CFAP54: variants seen among roughly 807,000 people sequenced by gnomAD.
The protein encoded by CFAP54 is cilia and flagella associated protein 54, also known as cilia- and flagella-associated protein 54.
Under a neutral mutation model 370.4 loss-of-function variants are expected in CFAP54, and 290 were observed. The ratio of observed to expected loss-of-function variants is 0.78; its 90% CI spans 0.71 to 0.86. The LOEUF (loss-of-function observed/expected upper bound fraction) is 0.86. Among genes scored for constraint, CFAP54 ranks in the 40% least tolerant of loss-of-function variants. The pLI, the probability that CFAP54 is intolerant of heterozygous loss-of-function variation, is 0.00. For missense variants in CFAP54, 3,399 were observed against 3,528.7 expected (o/e 0.96, Z 0.93); for synonymous variants, 1,206 against 1,236.5 (o/e 0.98, Z 0.52).
At position 96,704,745 on chromosome 12, in the gene CFAP54, C is replaced by G. The variant is rs12322639; in HGVS notation, c.6477C>G (p.Ile2159Met). 5 of 1,229,270 alleles carry G rather than the reference C, an allele frequency of 4.1e-6. No individual in the cohort carries two copies. The Admixed American group carries it at 1.2e-4, about 28-fold the overall frequency. The allele number at this position is 1,229,270 out of a possible 1,614,324, so 76.1% of individuals were successfully genotyped here. Residue 2159 changes from isoleucine to methionine, a missense_variant and splice_region_variant, in exon 47 of 68, where the codon ATC (isoleucine) becomes ATG (methionine). Transcript: ENST00000524981. ...GTTACTATTTTGTATTTTGACAGAT[C>G]TTTCAATCATTTGACTCAGGAAAAC... Reference protein sequence around the residue: ...AGYKATGKMKIFQSFDSGKLL... With the variant: ...AGYKATGKMKMFQSFDSGKLL...
At chr12:96,611,919 T>C (rs1274142284) in intron 26 of CFAP54, among the ~76,000 whole-genome samples, 2 of 152,186 alleles carry the variant, frequency 1.3e-5, no homozygotes, top group Non-Finnish European at 2.9e-5. Context: ...TACATCTGAT[T>C]GGTGTACCTG....
chr12:96,815,738 A>G (rs893061820), intron 64 of CFAP54, among the ~76,000 whole-genome samples: 3 of 152,280 alleles, frequency 2.0e-5, no homozygotes, highest in Non-Finnish European at 2.9e-5. Flanking sequence ...TAATTTTTGT[A>G]TAAGGTGTAA....
intron 8 of CFAP54, among the ~76,000 whole-genome samples, chr12:96,523,459 A>G (rs1447510373): frequency 6.6e-6 from 1 of 152,178 alleles, no homozygotes; most frequent in East Asian, 1.9e-4. Flanking sequence ...TTAAATACAA[A>G]TAAGTTTTTG....
intron 48 of CFAP54, among the ~76,000 whole-genome samples, chr12:96,709,725 A>ATTG (rs1175828500): frequency 6.7e-6 from 1 of 149,712 alleles, no homozygotes; most frequent in East Asian, 1.9e-4. Flanking sequence ...TATTATTATT[A>ATTG]TTATTATTGT....
chr12:96,596,212 T>C lies in CFAP54; in HGVS notation c.3516+1766T>C, dbSNP rs1956176979. Among the ~76,000 whole-genome samples, 3 of 152,160 alleles carry C rather than the reference T, an allele frequency of 2.0e-5. No homozygotes were observed. In the South Asian group the frequency reaches 6.2e-4, roughly 32 times the overall value. On this transcript the variant is annotated intron_variant, in intron 25 of 67. Coordinates refer to ENST00000524981, the MANE Select transcript of CFAP54 (RefSeq NM_001306084.2). ...TTAATATGTGTTAGCTTAGCAAAGATACCACATTGGGAACAGCAGCTGCTC... is the reference window on the plus strand; with the variant it reads ...TTAATATGTGTTAGCTTAGCAAAGACACCACATTGGGAACAGCAGCTGCTC...
At chr12:96,770,224 G>T (rs1443084894) in intron 60 of CFAP54, among the ~76,000 whole-genome samples, 2 of 152,082 alleles carry the variant, frequency 1.3e-5, no homozygotes, top group African/African-American at 4.8e-5. Context: ...TTGTGTGTGT[G>T]TGTGTTGCAT....
intron 49 of CFAP54, 101 bp from the exon 50 acceptor site, chr12:96,720,304 C>A (rs1254668602): frequency 1.9e-6 from 2 of 1,060,066 alleles, no homozygotes; most frequent in Non-Finnish European, 2.5e-6. Context: ...GTCTTCCATT[C>A]ATTGTTACTT....
At chr12:96,591,640 A>G (rs1057128311) in intron 23 of CFAP54, among the ~76,000 whole-genome samples, 1 of 152,186 alleles carries the variant, frequency 6.6e-6, no homozygotes, top group Admixed American at 6.5e-5. Flanking sequence ...CTGTAATCCC[A>G]GCACTTTGGG....
In CFAP54 at chr12:96,685,163, A is replaced by G. The variant is rs747295851; in HGVS notation, c.5939A>G (p.Tyr1980Cys). The change falls in exon 42 of 68, where the codon TAC (tyrosine) becomes TGC (cysteine). Residue 1980 changes from tyrosine to cysteine, a missense_variant. Tyr to Cys is a radical substitution (Grantham distance 194). Coordinates refer to ENST00000524981, the MANE Select transcript of CFAP54 (RefSeq NM_001306084.2). ...CATTCACCTCCGGGTTTCAAAGACT[A>G]CAGTGAGGAGTTTCTGTCAAGAGTT... ...NSHSPPGFKD[Y>C]SEEFLSRVGI... 3.1e-6 allele frequency: 5 copies of G among 1,613,992 alleles called. No individual in the cohort carries two copies. The highest frequency in any genetic ancestry group is 1.7e-5 in the Admixed American group (1 of 59,996).
At chr12:96,749,793 G>A (rs1958162839) in intron 55 of CFAP54, among the ~76,000 whole-genome samples, 1 of 152,028 alleles carries the variant, frequency 6.6e-6, no homozygotes, top group Non-Finnish European at 1.5e-5. Context: ...CACCTTTTCT[G>A]GGGGTTATAT....
intron 15 of CFAP54, among the ~76,000 whole-genome samples, chr12:96,549,558 T>G (rs1955673712): frequency 6.6e-6 from 1 of 152,330 alleles, no homozygotes; most frequent in South Asian, 2.1e-4. Flanking sequence ...GGTAGACATA[T>G]TTTCTTTGGC....
At chr12:96,586,411 A>G (rs374367185) in intron 22 of CFAP54, among the ~76,000 whole-genome samples, 2 of 152,294 alleles carry the variant, frequency 1.3e-5, no homozygotes, top group East Asian at 3.9e-4. Flanking sequence ...TGGAAAAACC[A>G]AGTGGAGTAT....
intron 55 of CFAP54, among the ~76,000 whole-genome samples, chr12:96,749,357 C>A (rs893788973): frequency 6.6e-6 from 1 of 152,260 alleles, no homozygotes; most frequent in Non-Finnish European, 1.5e-5. Context: ...ACGACCTAAT[C>A]ACCTCCCAAA....
chr12:96,729,674 C>T lies in CFAP54; in HGVS notation c.6965+9109C>T, dbSNP rs538320568. On this transcript the variant is annotated intron_variant, in intron 50 of 67. Coordinates refer to ENST00000524981, the MANE Select transcript of CFAP54 (RefSeq NM_001306084.2). Reference sequence around the variant, plus strand: ...CAATGCCTCACCCTGCTTCAGCTCGCGCACGGCGCGCTGCACCCACTGTCC... The same window carrying T: ...CAATGCCTCACCCTGCTTCAGCTCGTGCACGGCGCGCTGCACCCACTGTCC... 9.2e-5 allele frequency among the ~76,000 whole-genome samples: 14 copies of T among 152,312 alleles called. No individual in the cohort carries two copies. In the South Asian group the frequency reaches 2.1e-3, roughly 23 times the overall value.
At chr12:96,817,986 C>A in intron 65 of CFAP54, 73 bp downstream of exon 65, 1 of 1,107,454 alleles carries the variant, frequency 9.0e-7, no homozygotes, top group Non-Finnish European at 1.2e-6. Flanking sequence ...AACTATGTAA[C>A]TGGACTTAAA....
chr12:96,657,012 G>A (rs1956929668), intron 36 of CFAP54, among the ~76,000 whole-genome samples: 1 of 152,318 alleles, frequency 6.6e-6, no homozygotes, highest in African/African-American at 2.4e-5. Flanking sequence ...GACTTCCAAA[G>A]TCTCTTCTAA....
intron 15 of CFAP54, among the ~76,000 whole-genome samples, chr12:96,550,210 G>GA (rs1592846261): frequency 6.9e-6 from 1 of 144,872 alleles, no homozygotes; most frequent in Admixed American, 7.1e-5. Flanking sequence ...AAAGATGATG[G>GA]TGGTGGTAGT....
At chr12:96,851,965 A>G (rs1959558090) in intron 66 of CFAP54, among the ~76,000 whole-genome samples, 1 of 152,156 alleles carries the variant, frequency 6.6e-6, no homozygotes, top group Non-Finnish European at 1.5e-5. Context: ...TAGAAAACCC[A>G]AAATAGTCTT....
At chr12:96,816,589 G>T (rs1186365291) in intron 64 of CFAP54, among the ~76,000 whole-genome samples, 1 of 152,206 alleles carries the variant, frequency 6.6e-6, no homozygotes, top group Admixed American at 6.5e-5. Context: ...AGATGAGGAT[G>T]CTGTGGACAA....
Sources: allele counts gnomAD v4.1 joint callset (sites outside exome capture counted in the v4.1 genomes callset), GRCh38; gene constraint gnomAD v4.1.1; transcripts MANE v1.5; gene names NCBI Gene and HGNC (gene_info 2026-07-23, HGNC 2026-07-21).